Variants in RTN3 observed in about 807,000 individuals in gnomAD.
The protein encoded by RTN3 is reticulon 3.
In RTN3, 49 loss-of-function variants were observed where a neutral mutation model predicts 77.8. The ratio of observed to expected loss-of-function variants is 0.63; its 90% CI spans 0.50 to 0.80. The LOEUF (loss-of-function observed/expected upper bound fraction) is 0.80. Ranked by LOEUF, RTN3 falls within the 30% of genes least tolerant of loss-of-function variation. The pLI, the probability that RTN3 is intolerant of heterozygous loss-of-function variation, is 0.00. For missense variants in RTN3, 1,236 were observed against 1,211.9 expected, an observed-to-expected ratio of 1.02 and a Z score of -0.29; for synonymous variants, 464 against 446.9, an observed-to-expected ratio of 1.04 and a Z score of -0.48.
chr11:63,744,541 T>A (rs1429463362), intron 3 of RTN3, among the ~76,000 whole-genome samples: 1 of 152,164 alleles, frequency 6.6e-6, no homozygotes, highest in Non-Finnish European at 1.5e-5. Context: ...TGCTTAGTAT[T>A]TGTACATCTA....
At chr11:63,753,238 C>A in intron 6 of RTN3, 100 bp downstream of exon 6, 2 of 1,152,512 alleles carry the variant, frequency 1.7e-6, no homozygotes, top group South Asian at 1.4e-5. Context: ...CTTCATTGCC[C>A]AGTCTTGACC....
chr11:63,717,200 C>T (rs1037353185), intron 2 of RTN3, among the ~76,000 whole-genome samples: 3 of 151,706 alleles, frequency 2.0e-5, no homozygotes, highest in Non-Finnish European at 2.9e-5. Flanking sequence ...TAAGAAAGCA[C>T]CAGCCCTTGG....
At chr11:63,712,454 C>T (rs962887388) in intron 2 of RTN3, among the ~76,000 whole-genome samples, 17 of 149,896 alleles carry the variant, frequency 1.1e-4, no homozygotes, top group African/African-American at 1.5e-4. Context: ...CAAGGCCACA[C>T]GATTAGTAAT....
intron 3 of RTN3, among the ~76,000 whole-genome samples, chr11:63,743,704 C>T (rs970948370): frequency 2.6e-5 from 4 of 152,168 alleles, no homozygotes; most frequent in Non-Finnish European, 5.9e-5. Context: ...CATCTGAGGT[C>T]AGGAGTTGGA....
At chr11:63,692,581 AC>A (rs1245640945) in intron 1 of RTN3, among the ~76,000 whole-genome samples, 1 of 151,812 alleles carries the variant, frequency 6.6e-6, no homozygotes, top group Non-Finnish European at 1.5e-5. Flanking sequence ...ACATGGTGAA[AC>A]CCTGTCTCTA....
At position 63,758,180 on chromosome 11, in the gene RTN3, C is replaced by T. The variant is rs756387025; in HGVS notation, c.3078C>T (p.Ile1026=). 2.2e-5 allele frequency: 35 copies of T among 1,608,188 alleles called. No individual in the cohort carries two copies. Among genetic ancestry groups the T allele is most frequent in the Admixed American group, 1.5e-4 (9 of 58,878 alleles). ...GGATCCAAGCAAAACTCCCTGGAAT[C>T]GCCAAAAAAAAGGCAGAATAAGTAC... ...VEKIQAKLPG[I]AKKKAE The change falls in exon 9 of 9, where the codon ATC becomes ATT. Residue 1026 remains isoleucine (I), a synonymous_variant. Transcript: ENST00000377819.
intron 5 of RTN3, among the ~76,000 whole-genome samples, chr11:63,752,852 A>C (rs1273072425): frequency 6.6e-6 from 1 of 152,240 alleles, no homozygotes; most frequent in African/African-American, 2.4e-5. Context: ...TATAATTGGA[A>C]GCAGTGCAGT....
chr11:63,725,346 A>G (rs888302597), intron 3 of RTN3, among the ~76,000 whole-genome samples: 2 of 151,982 alleles, frequency 1.3e-5, no homozygotes, highest in Non-Finnish European at 2.9e-5. Context: ...GTAATCCATT[A>G]TATGAATATA....
chr11:63,681,835 C>T (rs1271639302), intron 1 of RTN3, 57 bp downstream of exon 1: 1 of 1,462,704 alleles, frequency 6.8e-7, no homozygotes, highest in Non-Finnish European at 9.0e-7. Context: ...AGCCTGGGGG[C>T]TGGGGGGATT....
chr11:63,700,253 C>T (rs1590797993), intron 1 of RTN3, among the ~76,000 whole-genome samples: 1 of 144,504 alleles, frequency 6.9e-6, no homozygotes, highest in Admixed American at 7.1e-5. Context: ...CATCTGGAAA[C>T]ATAGAGATAG....
intron 2 of RTN3, among the ~76,000 whole-genome samples, chr11:63,715,381 G>A (rs1437529714): frequency 1.3e-5 from 2 of 152,178 alleles, no homozygotes; most frequent in Admixed American, 1.3e-4. Flanking sequence ...AGCTGGCTGG[G>A]TGCAGTGGCT....
At chr11:63,687,608 TAAA>T (rs35057519) in intron 1 of RTN3, among the ~76,000 whole-genome samples, 1 of 134,510 alleles carries the variant, frequency 7.4e-6, no homozygotes, top group Non-Finnish European at 1.6e-5. Context: ...AGACTCCATC[TAAA>T]AAAAAAAAAA....
rs571225723 is a variant in RTN3 at position 63,747,584 on chromosome 11, G to T, written c.2531-2407G>T. 1.4e-4 allele frequency among the ~76,000 whole-genome samples: 21 copies of T among 152,246 alleles called. No individual in the cohort carries two copies. The South Asian group carries it at 4.4e-3, about 32-fold the overall frequency. ...CTTATATACAATCAGCATATTTTTA[G>T]TGTTTTATTGAATCAAGTTAAGGTT... On this transcript the variant is annotated intron_variant, in intron 3 of 8. Transcript: ENST00000377819.
At chr11:63,747,802 C>G in intron 3 of RTN3, among the ~76,000 whole-genome samples, 1 of 152,112 alleles carries the variant, frequency 6.6e-6, no homozygotes, top group East Asian at 1.9e-4. Flanking sequence ...CTCTTTATTC[C>G]TTAAACTCTA....
chr11:63,737,340 T>G (rs2013194202), intron 3 of RTN3, among the ~76,000 whole-genome samples: 1 of 152,222 alleles, frequency 6.6e-6, no homozygotes, highest in African/African-American at 2.4e-5. Context: ...GGCATGCCGG[T>G]GTCTCATGCC....
intron 3 of RTN3, among the ~76,000 whole-genome samples, chr11:63,729,106 AT>A (rs2012496233): frequency 6.6e-6 from 1 of 152,002 alleles, no homozygotes; most frequent in Non-Finnish European, 1.5e-5. Context: ...AAACTGCAAG[AT>A]TAAAAGACAT....
intron 1 of RTN3, among the ~76,000 whole-genome samples, chr11:63,687,403 G>A (rs1190598538): frequency 6.6e-6 from 1 of 152,198 alleles, no homozygotes; most frequent in African/African-American, 2.4e-5. Context: ...GATCATCTGA[G>A]GTCAAGAGTT....
At chr11:63,687,585 G>C (rs1434384217) in intron 1 of RTN3, among the ~76,000 whole-genome samples, 2 of 150,996 alleles carry the variant, frequency 1.3e-5, no homozygotes, top group African/African-American at 4.9e-5. Context: ...ACTCCAGCCT[G>C]AGCAACAGGG....
intron 3 of RTN3, among the ~76,000 whole-genome samples, chr11:63,740,837 C>G (rs2013425122): frequency 6.6e-6 from 1 of 152,168 alleles, no homozygotes; most frequent in Admixed American, 6.5e-5. Context: ...CAGAGGTTGG[C>G]AGTCAAATGA....
Sources: gnomAD v4.1 joint callset for allele counts (sites outside exome capture counted in the v4.1 genomes callset) on GRCh38, gnomAD v4.1.1 for gene constraint, MANE v1.5 for transcripts, NCBI Gene and HGNC (gene_info 2026-07-23, HGNC 2026-07-21) for gene names.